ANKS1B: variants seen among roughly 807,000 people sequenced by gnomAD.
The protein encoded by ANKS1B is ankyrin repeat and sterile alpha motif domain containing 1B, also known as ankyrin repeat and sterile alpha motif domain-containing protein 1B.
A neutral mutation model predicts 148.3 loss-of-function variants in ANKS1B; 36 were observed. The ratio of observed to expected loss-of-function variants is 0.24; its 90% CI spans 0.19 to 0.32. The LOEUF (loss-of-function observed/expected upper bound fraction) is 0.32. ANKS1B is among the 10% of genes least tolerant of loss of function. ANKS1B has a pLI of 1.00. For missense variants in ANKS1B, 1,157 were observed against 1,542.6 expected (o/e 0.75, Z 4.19); for synonymous variants, 542 against 560.8 (o/e 0.97, Z 0.47).
In ANKS1B at chr12:99,061,834, G is replaced by A. The variant is rs560053976; in HGVS notation, c.2626-8525C>T. On this transcript the variant is annotated intron_variant, in intron 16 of 26. Coordinates refer to ENST00000683438, the MANE Select transcript of ANKS1B (RefSeq NM_001352186.2). ...GCCGTAAGTTTTCACATCTGTTATC[G>A]TTAAAGAAGCTTCATTTCCTTTAAC... Among the ~76,000 whole-genome samples the A allele has an allele frequency of 1.0e-3, 153 of 152,174 alleles. 1 individual carries two copies. Among genetic ancestry groups the A allele is most frequent in the Non-Finnish European group, 1.1e-3 (72 of 67,998 alleles).
rs1351896898 is a variant in ANKS1B, at chr12:99,556,039, T to A, written c.1273-51398A>T. ...GCTCTTCCTTATACAGCTGATAGAATGTGACAGTGAATCCATCTGATCCAG... is the reference window on the plus strand; with the variant it reads ...GCTCTTCCTTATACAGCTGATAGAAAGTGACAGTGAATCCATCTGATCCAG... On this transcript the variant is annotated intron_variant, in intron 9 of 26. Transcript: ENST00000683438. 2.0e-5 allele frequency among the ~76,000 whole-genome samples: 3 copies of A among 152,202 alleles called. No individual in the cohort carries two copies. The East Asian group carries it at 5.8e-4, about 29-fold the overall frequency.
chr12:99,557,889 G>A (rs1349085963), intron 9 of ANKS1B, among the ~76,000 whole-genome samples: 2 of 152,184 alleles, frequency 1.3e-5, no homozygotes, highest in Non-Finnish European at 2.9e-5. Context: ...GGTGGGTTCA[G>A]TCAACAGGCT....
chr12:99,398,032 C>CT (rs2094300408), intron 12 of ANKS1B, among the ~76,000 whole-genome samples: 1 of 152,042 alleles, frequency 6.6e-6, no homozygotes, highest in Admixed American at 6.6e-5. Flanking sequence ...AGTTACAGAG[C>CT]TAGTCAGGAA....
At chr12:99,977,219 C>T (rs1344328842) in intron 1 of ANKS1B, among the ~76,000 whole-genome samples, 2 of 152,230 alleles carry the variant, frequency 1.3e-5, no homozygotes, top group Non-Finnish European at 2.9e-5. Context: ...TCATTGCTCA[C>T]TGCAGCCTCA....
At chr12:99,544,042 T>C (rs2097150998) in intron 9 of ANKS1B, among the ~76,000 whole-genome samples, 1 of 152,090 alleles carries the variant, frequency 6.6e-6, no homozygotes, top group African/African-American at 2.4e-5. Flanking sequence ...ACAAAATATA[T>C]AGAGAGAAAC....
chr12:99,295,975 G>C (rs569849743), intron 12 of ANKS1B, among the ~76,000 whole-genome samples: 1 of 151,986 alleles, frequency 6.6e-6, no homozygotes, highest in Non-Finnish European at 1.5e-5. Context: ...TAGAGTTTTC[G>C]GCTTTATATT....
At chr12:99,498,176 C>A (rs1321563872) in intron 10 of ANKS1B, among the ~76,000 whole-genome samples, 1 of 152,144 alleles carries the variant, frequency 6.6e-6, no homozygotes, top group Non-Finnish European at 1.5e-5. Context: ...AATGAATCTT[C>A]CCGCTTTCAA....
chr12:99,780,643 A>C (rs964909686), intron 5 of ANKS1B, among the ~76,000 whole-genome samples: 2 of 152,144 alleles, frequency 1.3e-5, no homozygotes, highest in Admixed American at 6.5e-5. Flanking sequence ...ACACTGAAAA[A>C]TATTATTGAT....
intron 8 of ANKS1B, among the ~76,000 whole-genome samples, chr12:99,684,675 C>G (rs1464601486): frequency 6.6e-6 from 1 of 152,104 alleles, no homozygotes; most frequent in Non-Finnish European, 1.5e-5. Context: ...TAACTTCAAA[C>G]TATACTATAA....
intron 12 of ANKS1B, among the ~76,000 whole-genome samples, chr12:99,356,536 G>C (rs1472804240): frequency 1.3e-5 from 2 of 152,112 alleles, no homozygotes; most frequent in Non-Finnish European, 2.9e-5. Flanking sequence ...CGTTGTACAC[G>C]CTGGCAAAGG....
At chr12:99,318,359 T>A (rs1210959508) in intron 12 of ANKS1B, among the ~76,000 whole-genome samples, 1 of 152,230 alleles carries the variant, frequency 6.6e-6, no homozygotes, top group African/African-American at 2.4e-5. Flanking sequence ...AATTGGTCTA[T>A]TCAGGGATTC....
chr12:99,150,254 GA>G (rs1337439358), intron 15 of ANKS1B, among the ~76,000 whole-genome samples: 7 of 152,184 alleles, frequency 4.6e-5, no homozygotes, highest in Non-Finnish European at 1.0e-4. Context: ...GACTTGTGAG[GA>G]AAGCAAGGAA....
At chr12:99,552,856 A>G (rs2097235400) in intron 9 of ANKS1B, among the ~76,000 whole-genome samples, 1 of 152,208 alleles carries the variant, frequency 6.6e-6, no homozygotes, top group Admixed American at 6.5e-5. Flanking sequence ...AATACAATGT[A>G]AATGCCATGT....
At chr12:99,173,335 T>C (rs1173524905) in intron 14 of ANKS1B, among the ~76,000 whole-genome samples, 2 of 152,162 alleles carry the variant, frequency 1.3e-5, no homozygotes, top group South Asian at 2.1e-4. Flanking sequence ...TTTCTACTAA[T>C]ATTGTGAAAA....
intron 1 of ANKS1B, among the ~76,000 whole-genome samples, chr12:99,838,657 T>C (rs1007715131): frequency 6.6e-6 from 1 of 152,168 alleles, no homozygotes; most frequent in Non-Finnish European, 1.5e-5. Context: ...TTCTTTAAAT[T>C]TATTGTTTCT....
chr12:99,078,408 A>C (rs1190060040), intron 16 of ANKS1B, among the ~76,000 whole-genome samples: 1 of 152,216 alleles, frequency 6.6e-6, no homozygotes, highest in Non-Finnish European at 1.5e-5. Flanking sequence ...TATATCACTT[A>C]GATCAGTGAT....
At chr12:99,184,950 C>T (rs1052017017) in intron 14 of ANKS1B, among the ~76,000 whole-genome samples, 4 of 152,144 alleles carry the variant, frequency 2.6e-5, no homozygotes, top group Non-Finnish European at 5.9e-5. Flanking sequence ...CTTTTCATCA[C>T]ATATACATCC....
chr12:99,556,919 A>G (rs779248853), intron 9 of ANKS1B, among the ~76,000 whole-genome samples: 25 of 152,162 alleles, frequency 1.6e-4, no homozygotes, highest in Non-Finnish European at 3.7e-4. Flanking sequence ...TGTATATTAC[A>G]TTGTTTTGGA....
chr12:99,501,919 A>G (rs939192667), intron 10 of ANKS1B, among the ~76,000 whole-genome samples: 2 of 152,166 alleles, frequency 1.3e-5, no homozygotes, highest in Non-Finnish European at 2.9e-5. Flanking sequence ...GCTTTTTGAT[A>G]CTTTTAAGAA....
Sources: allele counts gnomAD v4.1 joint callset (sites outside exome capture counted in the v4.1 genomes callset), GRCh38; gene constraint gnomAD v4.1.1; transcripts MANE v1.5; gene names NCBI Gene and HGNC (gene_info 2026-07-23, HGNC 2026-07-21).